The following NBEAL1 variants were observed in gnomAD, a reference collection of about 807,000 sequenced individuals.
The protein encoded by NBEAL1 is neurobeachin like 1.
Under a neutral mutation model 351.3 loss-of-function variants are expected in NBEAL1, and 273 were observed. The ratio of observed to expected loss-of-function variants is 0.78; its 90% CI spans 0.70 to 0.86. NBEAL1 has a LOEUF of 0.86. NBEAL1 is among the 40% of genes least tolerant of loss of function. The pLI is 0.00. For synonymous variants in NBEAL1, 1,050 were observed against 1,086.4 expected, an observed-to-expected ratio of 0.97 and a Z score of 0.66; for missense variants, 2,961 against 3,201.3, an observed-to-expected ratio of 0.92 and a Z score of 1.81.
chr2:203,066,897 C>T lies in NBEAL1; in HGVS notation c.516-1496C>T, dbSNP rs187254313. 7.7e-3 allele frequency among the ~76,000 whole-genome samples: 1,119 copies of T among 145,434 alleles called. 17 individuals carry two copies. Among genetic ancestry groups the T allele is most frequent in the African/African-American group, 0.027 (1,042 of 38,858 alleles). On this transcript the variant is annotated intron_variant, in intron 6 of 55. Transcript: ENST00000683969. ...GGCGCTCCTCACCTCCCAGATGGGACGGCTGGGCAGAGGCGCTCCCCACCT... is the reference window on the plus strand; with the variant it reads ...GGCGCTCCTCACCTCCCAGATGGGATGGCTGGGCAGAGGCGCTCCCCACCT...
intron 49 of NBEAL1, 137 bp from the exon 50 acceptor site, chr2:203,201,406 C>T (rs1228820578): frequency 8.7e-6 from 5 of 572,726 alleles, no homozygotes; most frequent in East Asian, 6.6e-5. Flanking sequence ...GAAAGTCTAT[C>T]GTTTATTAAT....
intron 17 of NBEAL1, among the ~76,000 whole-genome samples, chr2:203,113,875 G>A (rs2062629360): frequency 6.8e-6 from 1 of 146,502 alleles, no homozygotes; most frequent in Non-Finnish European, 1.5e-5. Flanking sequence ...AGGCTGGAGT[G>A]CAATGGCGCG....
chr2:203,017,606 T>A (rs1302605295), intron 2 of NBEAL1, among the ~76,000 whole-genome samples: 1 of 152,160 alleles, frequency 6.6e-6, no homozygotes, highest in Non-Finnish European at 1.5e-5. Context: ...AAATTAATTT[T>A]TAGTATGAAT....
chr2:203,217,392 G>C lies in NBEAL1; in HGVS notation c.*38G>C. On this transcript the variant is annotated 3_prime_UTR_variant, in exon 56 of 56. Coordinates refer to ENST00000683969, the MANE Select transcript of NBEAL1 (RefSeq NM_001378026.1). ...TTTTCTGTTATGATTACTGAAACCT[G>C]ATTTATTGCTTTGTCACTTTAACCA... 1 of 1,527,384 alleles carries C rather than the reference G, an allele frequency of 6.5e-7. No individual in the cohort carries two copies. Among genetic ancestry groups the C allele is most frequent in the Non-Finnish European group, 8.8e-7 (1 of 1,134,524 alleles). The allele number at this position is 1,527,384 out of a possible 1,614,324, so 94.6% of individuals were successfully genotyped here.
At chr2:203,121,293 A>G (rs2062824618) in intron 18 of NBEAL1, among the ~76,000 whole-genome samples, 1 of 152,140 alleles carries the variant, frequency 6.6e-6, no homozygotes, top group Admixed American at 6.6e-5. Flanking sequence ...GAAATAAAAC[A>G]TTGAATTTTT....
chr2:203,070,359 C>CTTTTTTTTTT (rs34588218), intron 7 of NBEAL1, among the ~76,000 whole-genome samples: 3 of 92,338 alleles, frequency 3.2e-5, no homozygotes, highest in Non-Finnish European at 4.3e-5. Flanking sequence ...CTCTCTCTCT[C>CTTTTTTTTTT]TTTTTTTTTT....
At chr2:203,201,442 A>T in intron 49 of NBEAL1, 101 bp from the exon 50 acceptor site, 1 of 946,916 alleles carries the variant, frequency 1.1e-6, no homozygotes, top group South Asian at 3.8e-5. Flanking sequence ...GACATTTGGG[A>T]CTAATTTTTT....
intron 42 of NBEAL1, among the ~76,000 whole-genome samples, chr2:203,178,942 C>G (rs2064611470): frequency 6.6e-6 from 1 of 152,160 alleles, no homozygotes; most frequent in African/African-American, 2.4e-5. Flanking sequence ...TTAATTTTAT[C>G]TCAAAACTAT....
chr2:203,186,487 A>G (rs932408127), intron 44 of NBEAL1, among the ~76,000 whole-genome samples: 5 of 152,206 alleles, frequency 3.3e-5, no homozygotes, highest in Non-Finnish European at 7.3e-5. Flanking sequence ...GCAATTCAGA[A>G]TTCCAGTAAG....
chr2:203,180,996 C>G (rs1427376976), intron 43 of NBEAL1: 1 of 120,758 alleles, frequency 8.3e-6, no homozygotes, highest in Non-Finnish European at 1.6e-5. Flanking sequence ...GAATGCAGTG[C>G]TGTGATCACT....
intron 42 of NBEAL1, among the ~76,000 whole-genome samples, chr2:203,176,171 C>CTTTT (rs34311199): frequency 1.4e-4 from 17 of 122,892 alleles, no homozygotes; most frequent in East Asian, 2.5e-4. Flanking sequence ...TTTATTGCAT[C>CTTTT]TTTTTTTTTT....
intron 10 of NBEAL1, among the ~76,000 whole-genome samples, chr2:203,091,671 G>A (rs2062067179): frequency 6.6e-6 from 1 of 151,914 alleles, no homozygotes; most frequent in Non-Finnish European, 1.5e-5. Flanking sequence ...CTGTCCTAAT[G>A]GGTATGAGGT....
chr2:203,031,057 A>G (rs2106016437), intron 2 of NBEAL1, among the ~76,000 whole-genome samples: 1 of 152,356 alleles, frequency 6.6e-6, no homozygotes, highest in East Asian at 1.9e-4. Context: ...TTTATGTAAC[A>G]TTTAGAAAAA....
rs1303455045 is a variant in NBEAL1, at chr2:203,097,606, AT to A, written c.1160del (p.Leu387TyrfsTer2). On this transcript the variant is annotated frameshift_variant, in exon 11 of 56. Transcript: ENST00000683969. LOFTEE classifies it high-confidence loss of function. Reference protein sequence around the residue: ...DKNEKDLANKLLTEMNEDQVF... With the variant: ...DKNEKDLANKXLTEMNEDQVF... ...AGAACGAGAAAGACCTTGCCAACAA[AT>A]TACTGACAGAAATGAATGAGGACCA... is the stretch of plus-strand genomic sequence containing the variant. 27 of 985,654 alleles carry A rather than the reference AT, an allele frequency of 2.7e-5. No homozygotes were observed. Among genetic ancestry groups the A allele is most frequent in the Non-Finnish European group, 3.0e-5 (25 of 829,860 alleles). The allele number at this position is 985,654 out of a possible 1,614,324, so 61.1% of individuals were successfully genotyped here. A position where few individuals can be genotyped will look rare whatever the true frequency, so the allele number is the denominator to read the frequency against.
At chr2:203,075,239 T>G (rs2061751323) in intron 7 of NBEAL1, 2 of 152,248 alleles carry the variant, frequency 1.3e-5, no homozygotes, top group East Asian at 3.8e-4. Flanking sequence ...TTCAATAAAC[T>G]TAAACTCATT....
At chr2:203,141,076 A>C (rs1399398538) in intron 31 of NBEAL1, among the ~76,000 whole-genome samples, 1 of 151,848 alleles carries the variant, frequency 6.6e-6, no homozygotes, top group Non-Finnish European at 1.5e-5. Flanking sequence ...TCAACCTAGA[A>C]GTAGAATGAG....
chr2:203,084,482 A>G lies in NBEAL1; in HGVS notation c.1011A>G (p.Leu337=). The G allele has an allele frequency of 6.6e-7, 1 of 1,509,788 alleles. No homozygotes were observed. The highest frequency in any genetic ancestry group is 8.9e-7 in the Non-Finnish European group (1 of 1,129,470). 93.5% of individuals were successfully genotyped at this position (1,509,788 alleles called of 1,614,324 possible). Residue 337 remains leucine, a synonymous_variant, in exon 10 of 56, where the codon TTA becomes TTG. Transcript: ENST00000683969. ...IKMLNTITAM[L]DCTDRPVLQA... ...TCCTAGATACCATCACAGCCATGTT[A>G]GATTGTACAGATAGACCTGTTCTTC...
chr2:203,077,837 G>T lies in NBEAL1; in HGVS notation c.684G>T (p.Gln228His). 1 of 1,419,556 alleles carries T rather than the reference G, an allele frequency of 7.0e-7. No individual in the cohort carries two copies. The highest frequency in any genetic ancestry group is 2.6e-5 in the Admixed American group (1 of 38,660). The allele number at this position is 1,419,556 out of a possible 1,614,324, so 87.9% of individuals were successfully genotyped here. ...HLFGAIVAGGQRNALQAISPA... is the reference protein window; with the variant it reads ...HLFGAIVAGGHRNALQAISPA... ...TTGGAGCCATTGTAGCCGGTGGGCA[G>T]GTAAGGAAAGTGTTGAAATTTAATA... is the stretch of plus-strand genomic sequence containing the variant. The change falls in exon 8 of 56, where the codon CAG becomes CAT. Residue 228 changes from glutamine to histidine, a missense_variant and splice_region_variant. Transcript: ENST00000683969.
At chr2:203,017,130 C>T (rs556843484) in intron 2 of NBEAL1, among the ~76,000 whole-genome samples, 1 of 152,214 alleles carries the variant, frequency 6.6e-6, no homozygotes, top group Admixed American at 6.5e-5. Flanking sequence ...TACTTGATAG[C>T]TTTGATTTTA....
Sources: allele counts gnomAD v4.1 joint callset (sites outside exome capture counted in the v4.1 genomes callset), GRCh38; gene constraint gnomAD v4.1.1; transcripts MANE v1.5; gene names NCBI Gene and HGNC (gene_info 2026-07-23, HGNC 2026-07-21).